The following FAF1 variants were observed in gnomAD, a reference collection of about 807,000 sequenced individuals.
The protein encoded by FAF1 is FAS-associated factor 1.
A neutral mutation model predicts 92.5 loss-of-function variants in FAF1; 25 were observed. The ratio of observed to expected loss-of-function variants is 0.27; its 90% CI spans 0.20 to 0.38. The LOEUF (loss-of-function observed/expected upper bound fraction) is 0.38. Ranked by LOEUF, FAF1 falls within the 10% of genes least tolerant of loss-of-function variation. The pLI is 1.00. For missense variants in FAF1, 636 were observed against 793.3 expected (o/e 0.80, Z 2.38); for synonymous variants, 234 against 273.2 (o/e 0.86, Z 1.42).
Position 50,822,201 on chromosome 1 carries a change from A to C in FAF1, c.115-20524T>G, listed in dbSNP as rs538929350. Among the ~76,000 whole-genome samples the C allele has an allele frequency of 2.6e-5, 4 of 152,186 alleles. No homozygotes were observed. The East Asian group carries it at 7.7e-4, about 29-fold the overall frequency. On this transcript the variant is annotated intron_variant, in intron 2 of 18. Transcript: ENST00000396153. ...AATGTAAGAAATGTAACCATTCCAC[A>C]ATCTGTTTTTAGTCAAATGTAAAGA...
At chr1:50,831,154 T>C (rs1046709540) in intron 2 of FAF1, among the ~76,000 whole-genome samples, 1 of 152,184 alleles carries the variant, frequency 6.6e-6, no homozygotes, top group African/African-American at 2.4e-5. Flanking sequence ...TTAAAGTTCC[T>C]AATTAACAAA....
intron 2 of FAF1, among the ~76,000 whole-genome samples, chr1:50,854,256 T>C (rs570653616): frequency 4.6e-5 from 7 of 152,042 alleles, no homozygotes; most frequent in Non-Finnish European, 1.0e-4. Flanking sequence ...ATTTATAATG[T>C]TCATGTAGCA....
intron 1 of FAF1, among the ~76,000 whole-genome samples, chr1:50,947,730 T>G: frequency 6.6e-6 from 1 of 152,264 alleles, no homozygotes; most frequent in East Asian, 1.9e-4. Flanking sequence ...AGAGCAGAAG[T>G]GTTTTGTACT....
intron 2 of FAF1, among the ~76,000 whole-genome samples, chr1:50,842,945 T>C (rs369159324): frequency 6.6e-6 from 1 of 152,194 alleles, no homozygotes; most frequent in East Asian, 1.9e-4. Context: ...TCTTGTTCAC[T>C]GCCACATCCC....
At chr1:50,585,210 G>A (rs2124026879) in intron 9 of FAF1, among the ~76,000 whole-genome samples, 1 of 152,286 alleles carries the variant, frequency 6.6e-6, no homozygotes, top group Non-Finnish European at 1.5e-5. Flanking sequence ...GGAGGCAATG[G>A]TAGCATTTCT....
chr1:50,695,389 C>T (rs775027976), intron 7 of FAF1, among the ~76,000 whole-genome samples: 2 of 151,610 alleles, frequency 1.3e-5, no homozygotes, highest in Non-Finnish European at 2.9e-5. Context: ...AAAAAAAAAT[C>T]ATCCAGTGGT....
At chr1:50,530,172 T>C (rs934603201) in intron 15 of FAF1, among the ~76,000 whole-genome samples, 1 of 151,916 alleles carries the variant, frequency 6.6e-6, no homozygotes, top group Non-Finnish European at 1.5e-5. Flanking sequence ...TATATACAGC[T>C]ATCTCAGGGA....
At chr1:50,826,516 C>T (rs1221014466) in intron 2 of FAF1, among the ~76,000 whole-genome samples, 1 of 150,378 alleles carries the variant, frequency 6.6e-6, no homozygotes, top group Non-Finnish European at 1.5e-5. Flanking sequence ...TGCCACTGCA[C>T]TGGAGCCACC....
chr1:50,563,142 G>A (rs1557996548), intron 13 of FAF1, among the ~76,000 whole-genome samples: 1 of 152,168 alleles, frequency 6.6e-6, no homozygotes, highest in Non-Finnish European at 1.5e-5. Context: ...AGGAGGTCCT[G>A]GAACCAATCC....
chr1:50,650,449 G>A (rs1569676751), intron 8 of FAF1, among the ~76,000 whole-genome samples: 1 of 150,906 alleles, frequency 6.6e-6, no homozygotes, highest in East Asian at 2.0e-4. Flanking sequence ...GCGAAACCCT[G>A]TCTCTACTAA....
At chr1:50,808,638 C>CATTAT (rs1553141756) in intron 2 of FAF1, among the ~76,000 whole-genome samples, 2 of 150,138 alleles carry the variant, frequency 1.3e-5, no homozygotes, top group Non-Finnish European at 3.0e-5. Flanking sequence ...ATAAAACACA[C>CATTAT]TTTAAATCAA....
chr1:50,749,841 T>C (rs1302856519), intron 4 of FAF1, among the ~76,000 whole-genome samples: 2 of 150,962 alleles, frequency 1.3e-5, no homozygotes, highest in Admixed American at 1.3e-4. Context: ...TTCTGCAAAG[T>C]GGAAATGACA....
chr1:50,578,098 C>G (rs764946845), intron 12 of FAF1, among the ~76,000 whole-genome samples: 2 of 152,194 alleles, frequency 1.3e-5, no homozygotes, highest in Non-Finnish European at 1.5e-5. Flanking sequence ...TGTAATCCCA[C>G]CACTCCAATA....
chr1:50,503,835 C>G (rs1054421991), intron 15 of FAF1, among the ~76,000 whole-genome samples: 1 of 151,968 alleles, frequency 6.6e-6, no homozygotes, highest in Non-Finnish European at 1.5e-5. Context: ...AAAACGCAAA[C>G]AAATCTATGC....
chr1:50,481,200 GA>G (rs201321615), intron 17 of FAF1, among the ~76,000 whole-genome samples: 2 of 151,910 alleles, frequency 1.3e-5, no homozygotes, highest in Non-Finnish European at 2.9e-5. Flanking sequence ...GCTGAAAAAA[GA>G]AAAAAAGTAA....
chr1:50,520,840 G>A (rs780813107), intron 15 of FAF1, among the ~76,000 whole-genome samples: 3 of 152,092 alleles, frequency 2.0e-5, no homozygotes, highest in Non-Finnish European at 2.9e-5. Context: ...GTGACACCCT[G>A]TCTCAAAAAA....
intron 17 of FAF1, among the ~76,000 whole-genome samples, chr1:50,485,878 C>T (rs893992846): frequency 2.2e-4 from 34 of 151,756 alleles, no homozygotes; most frequent in Admixed American, 2.6e-4. Flanking sequence ...GAGAGAACAA[C>T]GGAGGAAGTG....
At chr1:50,518,787 G>A (rs535369988) in intron 15 of FAF1, among the ~76,000 whole-genome samples, 3 of 152,212 alleles carry the variant, frequency 2.0e-5, no homozygotes, top group African/African-American at 2.4e-5. Flanking sequence ...GAATAATACC[G>A]AGCAGTAGGT....
At chr1:50,484,842 T>A (rs1458470161) in intron 17 of FAF1, among the ~76,000 whole-genome samples, 6 of 151,808 alleles carry the variant, frequency 4.0e-5, no homozygotes, top group Non-Finnish European at 8.8e-5. Flanking sequence ...AATATCTTTT[T>A]AAAACTATTG....
Sources: allele counts gnomAD v4.1 joint callset (sites outside exome capture counted in the v4.1 genomes callset), GRCh38; gene constraint gnomAD v4.1.1; transcripts MANE v1.5; gene names NCBI Gene and HGNC (gene_info 2026-07-23, HGNC 2026-07-21).